REPS2: variants seen among roughly 807,000 people sequenced by gnomAD.
REPS2 encodes ralBP1-associated Eps domain-containing protein 2.
REPS2 carries 23 observed loss-of-function variants against 53.6 expected under a neutral mutation model. The ratio of observed to expected loss-of-function variants is 0.43; its 90% CI spans 0.31 to 0.61. The LOEUF (loss-of-function observed/expected upper bound fraction) is 0.61. Among genes scored for constraint, REPS2 ranks in the 20% least tolerant of loss-of-function variants. The pLI is 0.11. For missense variants in REPS2, 446 were observed against 534.9 expected (o/e 0.83, Z 1.64); for synonymous variants, 238 against 218.6 (o/e 1.09, Z -0.78).
intron 17 of REPS2, among the ~76,000 whole-genome samples, chrX:17,144,053 G>C (rs1422289389): frequency 8.9e-6 from 1 of 112,716 alleles, no homozygotes; most frequent in Non-Finnish European, 1.9e-5. Context: ...TGGCTCGGCT[G>C]TATAGTTGGG....
the REPS2 span, among the ~76,000 whole-genome samples, chrX:17,169,259 T>G: frequency 2.7e-5 from 3 of 112,458 alleles, no homozygotes; most frequent in African/African-American, 9.7e-5. Context: ...CAAGGAAAGC[T>G]AACTGATATA....
chrX:16,972,060 G>A (rs1489511754), intron 1 of REPS2, among the ~76,000 whole-genome samples: 1 of 112,215 alleles, frequency 8.9e-6, no homozygotes, highest in Non-Finnish European at 1.9e-5. Flanking sequence ...TAGTTAGAAG[G>A]TGGGGGAGTG....
chrX:16,973,578 A>G (rs1364861729), intron 1 of REPS2, among the ~76,000 whole-genome samples: 1 of 111,966 alleles, frequency 8.9e-6, no homozygotes, highest in Non-Finnish European at 1.9e-5. Context: ...TCTTCTCAAT[A>G]TGGGCATTTC....
chrX:17,092,096 C>T (rs1252986044), intron 13 of REPS2, among the ~76,000 whole-genome samples: 2 of 111,433 alleles, frequency 1.8e-5, no homozygotes, highest in South Asian at 3.8e-4. Context: ...GAAGTTATTC[C>T]AAGTTTTGTT....
the REPS2 span, among the ~76,000 whole-genome samples, chrX:17,188,693 C>A: frequency 3.6e-5 from 4 of 112,139 alleles, no homozygotes; most frequent in African/African-American, 1.3e-4. Flanking sequence ...GCCTTGTTCA[C>A]TGAAACTAAA....
At chrX:17,042,528 A>G (rs754515606) in intron 5 of REPS2, among the ~76,000 whole-genome samples, 68 of 111,416 alleles carry the variant, frequency 6.1e-4, no homozygotes, top group Non-Finnish European at 1.2e-3. Flanking sequence ...GAGCTACCAA[A>G]CAGACTCATA....
At chrX:17,136,130 G>A (rs2063362531) in intron 16 of REPS2, 1 of 112,231 alleles carries the variant, frequency 8.9e-6, no homozygotes, top group Admixed American at 9.4e-5. Context: ...CTGCAAGTGA[G>A]CCTGACCGGT....
intron 17 of REPS2, among the ~76,000 whole-genome samples, chrX:17,140,928 G>A (rs2063436377): frequency 1.8e-5 from 2 of 109,702 alleles, no homozygotes; most frequent in Admixed American, 9.7e-5. Flanking sequence ...CTGCCACCAC[G>A]CCCGGCCAAC....
chrX:17,063,246 G>C (rs865957978), intron 9 of REPS2, among the ~76,000 whole-genome samples: 1 of 111,995 alleles, frequency 8.9e-6, no homozygotes, highest in Middle Eastern at 4.6e-3. Flanking sequence ...TTCCTTAAAA[G>C]ATCTGGAAAT....
At chrX:17,025,299 T>C in intron 4 of REPS2, 114 bp downstream of exon 4, 3 of 777,420 alleles carry the variant, frequency 3.9e-6, no homozygotes, top group Non-Finnish European at 5.3e-6. Context: ...CCCCTGTCTT[T>C]GGAAACATGG....
the REPS2 span, among the ~76,000 whole-genome samples, chrX:17,195,287 C>G: frequency 8.9e-6 from 1 of 112,406 alleles, no homozygotes; most frequent in African/African-American, 3.2e-5. Flanking sequence ...TCCCTCGTCT[C>G]TGCCCACCTT....
chrX:17,145,131 T>C (rs977833027), intron 17 of REPS2, among the ~76,000 whole-genome samples: 3 of 112,067 alleles, frequency 2.7e-5, no homozygotes, highest in African/African-American at 9.7e-5. Flanking sequence ...TATCATCTTG[T>C]CCCTTTTGTT....
chrX:17,143,454 C>CG (rs146356301), intron 17 of REPS2, among the ~76,000 whole-genome samples: 1 of 21,158 alleles, frequency 4.7e-5, no homozygotes, highest in Non-Finnish European at 6.6e-5. Flanking sequence ...TTGGTGGGCC[C>CG]TTTTGGAAAC....
chrX:17,062,243 T>C (rs2062167683), intron 8 of REPS2, among the ~76,000 whole-genome samples, 195 bp from the exon 9 acceptor site: 1 of 112,008 alleles, frequency 8.9e-6, no homozygotes, highest in African/African-American at 3.2e-5. Flanking sequence ...ACATGTGAAA[T>C]GGGGATAATA....
At chrX:17,161,110 T>C in the REPS2 span, among the ~76,000 whole-genome samples, 7 of 111,284 alleles carry the variant, frequency 6.3e-5, no homozygotes, top group East Asian at 2.0e-3. Flanking sequence ...GATGAGACTT[T>C]TGGGGACCTT....
chrX:17,029,474 T>G, intron 4 of REPS2, 52 bp from the exon 5 acceptor site: 2 of 892,092 alleles, frequency 2.2e-6, no homozygotes, highest in Non-Finnish European at 3.3e-6. Context: ...AAGTCATAAT[T>G]TTTGAATGGA....
chrX:17,086,682 T>G (rs1310468186), intron 13 of REPS2, among the ~76,000 whole-genome samples: 1 of 112,716 alleles, frequency 8.9e-6, no homozygotes, highest in Non-Finnish European at 1.9e-5. Context: ...TAATTGGGAC[T>G]ATGGTTTATT....
chrX:17,020,538 C>G (rs759432771), intron 2 of REPS2, among the ~76,000 whole-genome samples: 4 of 110,994 alleles, frequency 3.6e-5, no homozygotes, highest in Admixed American at 1.9e-4. Context: ...GAGAGCTGCC[C>G]GAGATTGGGA....
intron 13 of REPS2, among the ~76,000 whole-genome samples, chrX:17,098,133 C>G (rs1348161126): frequency 9.0e-6 from 1 of 111,268 alleles, no homozygotes; most frequent in East Asian, 2.8e-4. Flanking sequence ...TGCAAAAATC[C>G]TAAACAAAAT....
Sources: allele counts gnomAD v4.1 joint callset (sites outside exome capture counted in the v4.1 genomes callset), GRCh38; gene constraint gnomAD v4.1.1; transcripts MANE v1.5; gene names NCBI Gene and HGNC (gene_info 2026-07-23, HGNC 2026-07-21).